The following GRIN2A variants were observed in gnomAD, a reference collection of about 807,000 sequenced individuals.
GRIN2A encodes glutamate receptor ionotropic, NMDA 2A.
GRIN2A carries 22 observed loss-of-function variants against 113.4 expected under a neutral mutation model. That is an observed-to-expected ratio of 0.19 (90% CI 0.14 to 0.28). GRIN2A has a LOEUF of 0.28. Ranked by LOEUF, GRIN2A falls within the 10% of genes least tolerant of loss-of-function variation. The pLI is 1.00. For synonymous variants in GRIN2A, 827 were observed against 738.4 expected (o/e 1.12, Z -1.94); for missense variants, 1,502 against 1,887.0 (o/e 0.80, Z 3.78).
chr16:9,775,135 C>T (rs1343138725), intron 11 of GRIN2A, among the ~76,000 whole-genome samples: 1 of 152,190 alleles, frequency 6.6e-6, no homozygotes, highest in African/African-American at 2.4e-5. Context: ...AACCTGTACC[C>T]TTTAGGCTTT....
At chr16:9,805,839 C>T (rs1043484961) in intron 10 of GRIN2A, among the ~76,000 whole-genome samples, 1 of 152,082 alleles carries the variant, frequency 6.6e-6, no homozygotes, top group Non-Finnish European at 1.5e-5. Flanking sequence ...CATTCATGAT[C>T]CCCAGAAATG....
At chr16:9,799,827 G>A (rs11643000) in intron 10 of GRIN2A, among the ~76,000 whole-genome samples, 31,032 of 152,024 alleles carry the variant, frequency 0.2, 4,012 homozygotes, top group Non-Finnish European at 0.29. Context: ...AATGCTTGAT[G>A]AATTTTTACA....
intron 2 of GRIN2A, among the ~76,000 whole-genome samples, chr16:9,962,470 C>T (rs1773012953): frequency 2.0e-5 from 3 of 152,272 alleles, no homozygotes; most frequent in African/African-American, 7.2e-5. Context: ...ACAGACACTT[C>T]TCAAAACAAG....
At chr16:9,775,722 C>T (rs568863609) in intron 11 of GRIN2A, among the ~76,000 whole-genome samples, 5 of 152,304 alleles carry the variant, frequency 3.3e-5, no homozygotes, top group East Asian at 3.9e-4. Context: ...ACAGCAAGGC[C>T]GTCAGATGTA....
At chr16:10,062,604 C>A (rs911893206) in intron 2 of GRIN2A, among the ~76,000 whole-genome samples, 1 of 152,130 alleles carries the variant, frequency 6.6e-6, no homozygotes, top group Non-Finnish European at 1.5e-5. Context: ...CCTGTAATCC[C>A]CTGTAAACCC....
At chr16:10,005,839 G>A (rs2046396247) in intron 2 of GRIN2A, among the ~76,000 whole-genome samples, 1 of 152,142 alleles carries the variant, frequency 6.6e-6, no homozygotes, top group Admixed American at 6.5e-5. Flanking sequence ...CCAGTGAAAT[G>A]ACATGATCAC....
chr16:9,785,411 G>A (rs1041160858), intron 11 of GRIN2A, among the ~76,000 whole-genome samples: 3 of 137,560 alleles, frequency 2.2e-5, no homozygotes, highest in Admixed American at 7.7e-5. Context: ...GACACAGGAA[G>A]GGGAACATCA....
chr16:10,151,193 C>CTTG (rs1250673769), intron 2 of GRIN2A, among the ~76,000 whole-genome samples: 1 of 152,206 alleles, frequency 6.6e-6, no homozygotes. Context: ...TGAGATGCAA[C>CTTG]ATGCAAGCTG....
intron 2 of GRIN2A, among the ~76,000 whole-genome samples, chr16:10,075,476 A>G (rs889600592): frequency 2.0e-5 from 3 of 152,144 alleles, no homozygotes; most frequent in African/African-American, 4.8e-5. Flanking sequence ...AAGTAAGTAC[A>G]GAGACTCGAT....
chr16:10,069,327 T>A (rs1181021217), intron 2 of GRIN2A, among the ~76,000 whole-genome samples: 1 of 152,194 alleles, frequency 6.6e-6, no homozygotes, highest in East Asian at 1.9e-4. Context: ...AAAGAGAATG[T>A]TCCACCATTC....
At chr16:9,902,717 C>G (rs982310149) in intron 3 of GRIN2A, among the ~76,000 whole-genome samples, 1 of 151,896 alleles carries the variant, frequency 6.6e-6, no homozygotes, top group East Asian at 1.9e-4. Flanking sequence ...ATTTTTCCAA[C>G]TCTACAATAT....
chr16:9,970,082 T>C (rs2045640965), intron 2 of GRIN2A, among the ~76,000 whole-genome samples: 1 of 152,210 alleles, frequency 6.6e-6, no homozygotes, highest in African/African-American at 2.4e-5. Flanking sequence ...AATCTCGAGT[T>C]CTTGTTCTGC....
chr16:9,849,139 C>T (rs9934669), intron 5 of GRIN2A, among the ~76,000 whole-genome samples: 8,732 of 64,196 alleles, frequency 0.14, 2,077 homozygotes, highest in African/African-American at 0.22. Context: ...ATATAAAATA[C>T]ACTGTTTTAT....
intron 2 of GRIN2A, among the ~76,000 whole-genome samples, chr16:9,989,862 A>T (rs2046066712): frequency 6.6e-6 from 1 of 152,214 alleles, no homozygotes; most frequent in South Asian, 2.1e-4. Context: ...CAGAATGGCT[A>T]TTATTAAAGA....
chr16:9,801,571 T>C (rs1204699868), intron 10 of GRIN2A, among the ~76,000 whole-genome samples: 1 of 152,250 alleles, frequency 6.6e-6, no homozygotes, highest in Non-Finnish European at 1.5e-5. Flanking sequence ...TTCAAATCAG[T>C]ACCATATTTC....
chr16:9,963,585 T>C (rs1456740854), intron 2 of GRIN2A, among the ~76,000 whole-genome samples: 1 of 152,174 alleles, frequency 6.6e-6, no homozygotes, highest in Non-Finnish European at 1.5e-5. Context: ...GTCACAATTG[T>C]ATATATGTGT....
chr16:9,779,749 C>T (rs561309239), intron 11 of GRIN2A, among the ~76,000 whole-genome samples: 2 of 152,256 alleles, frequency 1.3e-5, no homozygotes, highest in East Asian at 1.9e-4. Flanking sequence ...TTGATGACAT[C>T]CTCCCGCTCC....
intron 4 of GRIN2A, among the ~76,000 whole-genome samples, 188 bp from the exon 5 acceptor site, chr16:9,850,149 C>G (rs1417190347): frequency 6.6e-6 from 1 of 152,178 alleles, no homozygotes; most frequent in Non-Finnish European, 1.5e-5. Context: ...GGGCAGTTCT[C>G]CATCCCAGCC....
intron 2 of GRIN2A, among the ~76,000 whole-genome samples, chr16:9,949,282 G>A (rs926242128): frequency 2.0e-5 from 3 of 152,216 alleles, no homozygotes; most frequent in African/African-American, 7.2e-5. Context: ...ATTCAGTGAA[G>A]GTATAAGTAA....
Sources: gnomAD v4.1 joint callset for allele counts (sites outside exome capture counted in the v4.1 genomes callset) on GRCh38, gnomAD v4.1.1 for gene constraint, MANE v1.5 for transcripts, NCBI Gene and HGNC (gene_info 2026-07-23, HGNC 2026-07-21) for gene names.